ANKRD12: variants seen among roughly 807,000 people sequenced by gnomAD.
ANKRD12 encodes the protein ankyrin repeat domain-containing protein 12.
A neutral mutation model predicts 183.4 loss-of-function variants in ANKRD12; 85 were observed. That is an observed-to-expected ratio of 0.46 (90% CI 0.39 to 0.56). The LOEUF is 0.56. Ranked by LOEUF, ANKRD12 falls within the 20% of genes least tolerant of loss-of-function variation. The pLI is 0.00. For synonymous variants in ANKRD12, 914 were observed against 800.2 expected, an observed-to-expected ratio of 1.14 and a Z score of -2.40; for missense variants, 2,405 against 2,357.1, an observed-to-expected ratio of 1.02 and a Z score of -0.42.
chr18:9,139,250 G>GAA (rs1363905175), intron 1 of ANKRD12, among the ~76,000 whole-genome samples: 4 of 152,278 alleles, frequency 2.6e-5, no homozygotes, highest in South Asian at 4.1e-4. Context: ...AAAAAAGCCT[G>GAA]AATTTTATTT....
At chr18:9,198,760 G>C (rs986693965) in intron 3 of ANKRD12, among the ~76,000 whole-genome samples, 2 of 151,906 alleles carry the variant, frequency 1.3e-5, no homozygotes, top group Non-Finnish European at 2.9e-5. Context: ...ATGTTGGCCA[G>C]GCTGTTAACT....
At position 9,188,303 on chromosome 18, in the gene ANKRD12, CT is replaced by C. The variant is rs765832165; in HGVS notation, c.87+5788del. On this transcript the variant is annotated intron_variant, in intron 2 of 12. Transcript: ENST00000262126. ...ATGATGGGCAGTAAGTCTGCCTGAA[CT>C]TTTCCCTAGAAGGAGACATTATTAC... 2.6e-5 allele frequency among the ~76,000 whole-genome samples: 4 copies of C among 152,326 alleles called. No individual in the cohort carries two copies. In the East Asian group the frequency reaches 7.7e-4, roughly 29 times the overall value.
At chr18:9,206,664 T>G (rs780092280) in intron 4 of ANKRD12, among the ~76,000 whole-genome samples, 1 of 152,124 alleles carries the variant, frequency 6.6e-6, no homozygotes, top group Non-Finnish European at 1.5e-5. Flanking sequence ...TAGCATCTGA[T>G]TCGAATTTTG....
chr18:9,275,152 A>G (rs2039772035), intron 10 of ANKRD12, among the ~76,000 whole-genome samples: 1 of 152,038 alleles, frequency 6.6e-6, no homozygotes. Context: ...GATCATGCCT[A>G]CACACCAGCC....
At chr18:9,241,651 C>T (rs2037668518) in intron 8 of ANKRD12, among the ~76,000 whole-genome samples, 1 of 152,148 alleles carries the variant, frequency 6.6e-6, no homozygotes, top group South Asian at 2.1e-4. Flanking sequence ...GCATGGTAGG[C>T]AATGAGGTAT....
chr18:9,267,819 C>T (rs1224922072), intron 10 of ANKRD12, among the ~76,000 whole-genome samples: 2 of 152,160 alleles, frequency 1.3e-5, no homozygotes, highest in South Asian at 2.1e-4. Context: ...TTCAAAAAAT[C>T]AATGAATCCA....
At chr18:9,212,909 C>A (rs1042738457) in intron 6 of ANKRD12, among the ~76,000 whole-genome samples, 2 of 151,742 alleles carry the variant, frequency 1.3e-5, no homozygotes, top group African/African-American at 4.8e-5. Flanking sequence ...AGATCCACTC[C>A]TTTGCTCATT....
chr18:9,268,774 C>T (rs2039439394), intron 10 of ANKRD12, among the ~76,000 whole-genome samples: 1 of 152,082 alleles, frequency 6.6e-6, no homozygotes, highest in Admixed American at 6.6e-5. Flanking sequence ...GTGGCCAGGG[C>T]AATCAGGCAG....
At chr18:9,275,168 G>T (rs992068870) in intron 10 of ANKRD12, among the ~76,000 whole-genome samples, 1 of 152,098 alleles carries the variant, frequency 6.6e-6, no homozygotes, top group African/African-American at 2.4e-5. Context: ...CAGCCTGGGT[G>T]ACAGAGTGAG....
At chr18:9,277,641 TAAAAG>T (rs1052152749) in intron 11 of ANKRD12, among the ~76,000 whole-genome samples, 3 of 151,524 alleles carry the variant, frequency 2.0e-5, no homozygotes, top group African/African-American at 7.3e-5. Context: ...CCCTGTTTCT[TAAAAG>T]TAAAGTAATT....
chr18:9,255,632 G>A lies in ANKRD12; in HGVS notation c.2365G>A (p.Gly789Ser). ...TDKDSEFTSL[G>S]MSAIEESIGL... ...TAAAGACTCAGAATTTACTTCTTTGGGTATGAGTGCCATTGAGGAATCTAT... is the reference window on the plus strand; with the variant it reads ...TAAAGACTCAGAATTTACTTCTTTGAGTATGAGTGCCATTGAGGAATCTAT... The change falls in exon 9 of 13, where the codon GGT becomes AGT. Residue 789 changes from glycine (G) to serine (S), a missense_variant. Around this residue, in one of 7 missense-constraint regions of ANKRD12, gnomAD observed 1,983 missense variants for 1,725.9 expected, o/e 1.15. Transcript: ENST00000262126. 6.4e-7 allele frequency: 1 copy of A among 1,573,312 alleles called. No individual in the cohort carries two copies. The highest frequency in any genetic ancestry group is 8.6e-7 in the Non-Finnish European group (1 of 1,169,344).
At chr18:9,242,539 GA>G (rs1219546995) in intron 8 of ANKRD12, among the ~76,000 whole-genome samples, 1 of 152,026 alleles carries the variant, frequency 6.6e-6, no homozygotes, top group Non-Finnish European at 1.5e-5. Context: ...GGGTTAAAAG[GA>G]CCTCCATGTA....
chr18:9,230,070 A>G (rs573984945), intron 8 of ANKRD12, among the ~76,000 whole-genome samples: 1 of 152,154 alleles, frequency 6.6e-6, no homozygotes, highest in Admixed American at 6.5e-5. Flanking sequence ...ACTAATTTGT[A>G]ATTCTTTGTA....
At chr18:9,157,550 G>GGTGTGTATGTGTATGT (rs1555707774) in intron 1 of ANKRD12, among the ~76,000 whole-genome samples, 4 of 114,598 alleles carry the variant, frequency 3.5e-5, no homozygotes, top group Non-Finnish European at 6.6e-5. Flanking sequence ...GGTGTGTGTG[G>GGTGTGTATGTGTATGT]GTGTGTGTGT....
chr18:9,261,272 C>T (rs1429541219), intron 9 of ANKRD12, among the ~76,000 whole-genome samples: 1 of 152,210 alleles, frequency 6.6e-6, no homozygotes, highest in Admixed American at 6.5e-5. Flanking sequence ...ATTTAAATGC[C>T]TCCTGTGCAA....
chr18:9,204,529 T>C lies in ANKRD12; in HGVS notation c.289T>C (p.Tyr97His), dbSNP rs780095195. The C allele has an allele frequency of 9.4e-6, 15 of 1,594,946 alleles. No individual in the cohort carries two copies. Among genetic ancestry groups the C allele is most frequent in the Non-Finnish European group, 1.2e-5 (14 of 1,167,068 alleles). The stretch of plus-strand genomic sequence containing the variant: ...TTGGGGGGAGAGACTTATATCTTCT[T>C]ACAGGACATACTCAGGTAATTAGAT... Reference protein sequence around the residue: ...ENWGERLISSYRTYSEKEGPE... With the variant: ...ENWGERLISSHRTYSEKEGPE... The change falls in exon 4 of 13, where the codon TAC becomes CAC. Residue 97 changes from tyrosine (Y) to histidine (H), a missense_variant. Physicochemically the swap from Tyr to His is moderately conservative, Grantham distance 83. This residue lies in a region of ANKRD12 where 145 missense variants were observed against 145.6 expected (regional missense o/e 1.00). Coordinates refer to ENST00000262126, the MANE Select transcript of ANKRD12 (RefSeq NM_015208.5).
At chr18:9,193,375 G>T (rs1191250049) in intron 2 of ANKRD12, among the ~76,000 whole-genome samples, 3 of 151,878 alleles carry the variant, frequency 2.0e-5, no homozygotes, top group Non-Finnish European at 4.4e-5. Flanking sequence ...CAAACTCCTA[G>T]GCTTAAGTGA....
intron 1 of ANKRD12, among the ~76,000 whole-genome samples, chr18:9,174,801 C>T (rs757085497): frequency 1.3e-4 from 20 of 151,954 alleles, no homozygotes; most frequent in Non-Finnish European, 2.5e-4. Flanking sequence ...TATCTTGGCC[C>T]CTCCTGCCCC....
At chr18:9,191,304 A>G (rs1049297167) in intron 2 of ANKRD12, among the ~76,000 whole-genome samples, 4 of 152,248 alleles carry the variant, frequency 2.6e-5, no homozygotes, top group South Asian at 4.1e-4. Context: ...AAGTCTATCA[A>G]AAACATTTCT....
Sources: allele counts gnomAD v4.1 joint callset (sites outside exome capture counted in the v4.1 genomes callset), GRCh38; gene constraint gnomAD v4.1.1; regional missense constraint gnomAD v4.1.1; transcripts MANE v1.5; gene names NCBI Gene and HGNC (gene_info 2026-07-23, HGNC 2026-07-21).